Variants in DMD observed in about 807,000 individuals in gnomAD.
DMD encodes the protein mutant dystrophin.
A neutral mutation model predicts 330.1 loss-of-function variants in DMD; 63 were observed. The observed-to-expected ratio is 0.19, with a 90% confidence interval of 0.16 to 0.24. The LOEUF (loss-of-function observed/expected upper bound fraction) is 0.24. DMD is among the 10% of genes least tolerant of loss of function. The probability of loss-of-function intolerance (pLI) is 1.00; values close to 1 mark genes in which losing one functional copy is unlikely to be tolerated. For synonymous variants in DMD, 1,223 were observed against 959.8 expected (o/e 1.27, Z -5.07); for missense variants, 3,344 against 2,684.1 (o/e 1.25, Z -5.43).
Position 31,125,708 on chromosome X carries a change from T to C in DMD, c.11046+934A>G, listed in dbSNP as rs148843194. Among the ~76,000 whole-genome samples the C allele has an allele frequency of 2.7e-3, 308 of 112,240 alleles. 1 individual carries two copies. Among genetic ancestry groups the C allele is most frequent in the African/African-American group, 8.6e-3 (267 of 30,928 alleles). On this transcript the variant is annotated intron_variant, in intron 78 of 78. Coordinates refer to ENST00000357033, the MANE Select transcript of DMD (RefSeq NM_004006.3). ...TATTCAGACAATATTCCTGGTGGAATAGGAGTAAGAAGCATCTTTCACCGT... is the reference window on the plus strand; with the variant it reads ...TATTCAGACAATATTCCTGGTGGAACAGGAGTAAGAAGCATCTTTCACCGT...
intron 9 of DMD, among the ~76,000 whole-genome samples, chrX:32,675,563 A>G (rs757695081): frequency 1.8e-5 from 2 of 111,591 alleles, no homozygotes; most frequent in African/African-American, 6.5e-5. Flanking sequence ...TAAATCATGA[A>G]GTGTGTGCAT....
intron 41 of DMD, among the ~76,000 whole-genome samples, chrX:32,317,426 ATCAC>A (rs2097586404): frequency 8.9e-6 from 1 of 111,785 alleles, no homozygotes; most frequent in African/African-American, 3.2e-5. Context: ...AGGCACAGGT[ATCAC>A]TCACAAAGTT....
At chrX:32,851,587 C>A (rs763816382) in intron 2 of DMD, among the ~76,000 whole-genome samples, 152 of 112,331 alleles carry the variant, frequency 1.4e-3, no homozygotes, top group Non-Finnish European at 1.7e-3. Flanking sequence ...TACATAAAAA[C>A]CAAAAATCAA....
At chrX:31,408,563 T>C (rs916137619) in intron 60 of DMD, among the ~76,000 whole-genome samples, 1 of 110,885 alleles carries the variant, frequency 9.0e-6, no homozygotes, top group Admixed American at 9.6e-5. Flanking sequence ...CATATCCAGC[T>C]AATTTTTGTA....
At chrX:32,707,452 T>G (rs1254880305) in intron 7 of DMD, among the ~76,000 whole-genome samples, 6 of 111,352 alleles carry the variant, frequency 5.4e-5, no homozygotes, top group Non-Finnish European at 9.4e-5. Flanking sequence ...CAGAAGCTGG[T>G]GGGGAAAAGT....
In DMD at chrX:31,305,854, A is replaced by C. The variant is rs773142084; in HGVS notation, c.9224+17744T>G. Among the ~76,000 whole-genome samples the C allele has an allele frequency of 8.9e-5, 10 of 112,771 alleles. No individual in the cohort carries two copies. In the Admixed American group the frequency reaches 9.4e-4, roughly 11 times the overall value. On this transcript the variant is annotated intron_variant, in intron 62 of 78. Coordinates refer to ENST00000357033, the MANE Select transcript of DMD (RefSeq NM_004006.3). The stretch of plus-strand genomic sequence containing the variant: ...AGGGCTGAATTTCAGCAACCTTCTT[A>C]TTAGTATTTACAAACTAGTTATACT...
intron 16 of DMD, among the ~76,000 whole-genome samples, chrX:32,550,739 GAAT>G (rs1193244061): frequency 9.2e-6 from 1 of 109,234 alleles, no homozygotes; most frequent in Non-Finnish European, 1.9e-5. Context: ...CCACTACCTA[GAAT>G]AATAAAGAAA....
intron 42 of DMD, among the ~76,000 whole-genome samples, chrX:32,296,791 A>G (rs912571576): frequency 1.8e-5 from 2 of 112,102 alleles, no homozygotes; most frequent in African/African-American, 6.5e-5. Context: ...ATATAAGATA[A>G]TATGAAATTG....
At chrX:32,651,741 T>C (rs537483481) in intron 9 of DMD, among the ~76,000 whole-genome samples, 2 of 111,766 alleles carry the variant, frequency 1.8e-5, no homozygotes, top group African/African-American at 6.5e-5. Context: ...TCAAAACATC[T>C]CATGTACCCC....
At chrX:32,134,948 A>G (rs1260026379) in intron 44 of DMD, among the ~76,000 whole-genome samples, 1 of 112,079 alleles carries the variant, frequency 8.9e-6, no homozygotes, top group Non-Finnish European at 1.9e-5. Context: ...TCTATGAAAT[A>G]TATTATTGTA....
intron 64 of DMD, among the ~76,000 whole-genome samples, chrX:31,215,205 T>G (rs950550106): frequency 9.2e-6 from 1 of 109,273 alleles, no homozygotes; most frequent in Non-Finnish European, 1.9e-5. Flanking sequence ...CCTCCCGAAG[T>G]GCTGGGATTA....
chrX:32,629,776 A>G (rs2146588240), intron 11 of DMD, among the ~76,000 whole-genome samples: 1 of 106,075 alleles, frequency 9.4e-6, no homozygotes, highest in South Asian at 4.1e-4. Context: ...CTGGTTGCAT[A>G]AACAAATAAG....
intron 60 of DMD, among the ~76,000 whole-genome samples, chrX:31,396,072 T>C (rs2692984): frequency 0.12 from 13,044 of 111,191 alleles, 609 homozygotes; most frequent in Middle Eastern, 0.17. Context: ...CTGGAGAACA[T>C]TGCATCCTGG....
chrX:32,876,820 T>G (rs1260437409), intron 2 of DMD, among the ~76,000 whole-genome samples: 7 of 112,394 alleles, frequency 6.2e-5, no homozygotes, highest in Non-Finnish European at 1.3e-4. Context: ...GTACCATAGG[T>G]GACACTAATC....
rs577198601 is a variant in DMD at position 31,888,264 on chromosome X, C to T, written c.6913-12891G>A. On this transcript the variant is annotated intron_variant, in intron 47 of 78. Coordinates refer to ENST00000357033, the MANE Select transcript of DMD (RefSeq NM_004006.3). ...TAATTGCAGGACTAGTGGTAATATC[C>T]GTGTAATTAATTCAATCAATATTTA... is the stretch of plus-strand genomic sequence containing the variant. Among the ~76,000 whole-genome samples, 13 of 111,513 alleles carry T rather than the reference C, an allele frequency of 1.2e-4. No individual in the cohort carries two copies. In the South Asian group the frequency reaches 3.8e-3, roughly 33 times the overall value.
At chrX:32,737,998 A>G (rs1389867613) in intron 7 of DMD, among the ~76,000 whole-genome samples, 1 of 111,936 alleles carries the variant, frequency 8.9e-6, no homozygotes, top group Non-Finnish European at 1.9e-5. Flanking sequence ...GGCTTCATAT[A>G]GAGTTGATAC....
chrX:31,728,961 C>A (rs1441574430), intron 52 of DMD, among the ~76,000 whole-genome samples: 1 of 110,989 alleles, frequency 9.0e-6, no homozygotes, highest in Non-Finnish European at 1.9e-5. Flanking sequence ...TGGCGAGTTT[C>A]CCCTACTCCT....
chrX:32,324,254 C>T (rs1211458138), intron 41 of DMD, among the ~76,000 whole-genome samples: 1 of 111,219 alleles, frequency 9.0e-6, no homozygotes, highest in Non-Finnish European at 1.9e-5. Flanking sequence ...ATTACATGTA[C>T]CCTATAAAGA....
intron 62 of DMD, among the ~76,000 whole-genome samples, chrX:31,283,224 A>C (rs1023712738): frequency 1.5e-4 from 17 of 111,443 alleles, no homozygotes; most frequent in African/African-American, 5.5e-4. Context: ...GTTATAATAC[A>C]AAAAAAGCCC....
Sources: allele counts gnomAD v4.1 joint callset (sites outside exome capture counted in the v4.1 genomes callset), GRCh38; gene constraint gnomAD v4.1.1; transcripts MANE v1.5; gene names NCBI Gene and HGNC (gene_info 2026-07-23, HGNC 2026-07-21).